The following TNS3 variants were observed in gnomAD, a reference collection of about 807,000 sequenced individuals.
TNS3 encodes the protein tensin 3.
A neutral mutation model predicts 140.9 loss-of-function variants in TNS3; 45 were observed. That is an observed-to-expected ratio of 0.32 (90% confidence interval 0.25 to 0.41). The LOEUF (loss-of-function observed/expected upper bound fraction) is 0.41, where lower values mean the gene tolerates loss of function less well. TNS3 is among the 10% of genes least tolerant of loss of function. The pLI, the probability that TNS3 is intolerant of heterozygous loss-of-function variation, is 1.00. For synonymous variants in TNS3, 815 were observed against 788.4 expected, an observed-to-expected ratio of 1.03 and a Z score of -0.56; for missense variants, 1,716 against 1,906.7, an observed-to-expected ratio of 0.90 and a Z score of 1.86.
intron 15 of TNS3, among the ~76,000 whole-genome samples, chr7:47,400,126 C>T (rs772744750): frequency 3.9e-5 from 6 of 152,156 alleles, no homozygotes; most frequent in Non-Finnish European, 7.3e-5. Context: ...CAATGCAATA[C>T]CACCTTACTC....
intron 1 of TNS3, among the ~76,000 whole-genome samples, chr7:47,571,582 G>A (rs1280737554): frequency 6.6e-6 from 1 of 152,264 alleles, no homozygotes; most frequent in African/African-American, 2.4e-5. Context: ...AGTACCTCCA[G>A]AGGGTCAAGG....
intron 28 of TNS3, 23 bp downstream of exon 28, chr7:47,283,674 C>T (rs766099122): frequency 2.8e-5 from 42 of 1,522,220 alleles, no homozygotes; most frequent in Non-Finnish European, 3.7e-5. Flanking sequence ...CTGGACGGCT[C>T]CTGCCTCCCT....
At chr7:47,378,278 A>C (rs1162871735) in intron 16 of TNS3, among the ~76,000 whole-genome samples, 1 of 152,216 alleles carries the variant, frequency 6.6e-6, no homozygotes, top group Admixed American at 6.5e-5. Flanking sequence ...GGAGTGCTCC[A>C]TGAACATCTA....
At chr7:47,396,944 C>T (rs760937178) in intron 15 of TNS3, 40 bp from the exon 16 acceptor site, 5 of 1,479,070 alleles carry the variant, frequency 3.4e-6, no homozygotes, top group South Asian at 2.3e-5. Context: ...CCCAGTGAAA[C>T]CCATCACCTC....
In TNS3 at chr7:47,275,995, CTT is replaced by C. The variant is rs1373647300; in HGVS notation, c.*2079_*2080del. The C allele has an allele frequency of 3.9e-5, 15 of 386,734 alleles. No homozygotes were observed. The highest frequency in any genetic ancestry group is 2.7e-4 in the African/African-American group (13 of 47,746). 24.0% of individuals were successfully genotyped at this position (386,734 alleles called of 1,614,324 possible). On this transcript the variant is annotated 3_prime_UTR_variant, in exon 31 of 31. Transcript: ENST00000311160. ...AAGGATAAGGAACCTGGCCTGCACT[CTT>C]TGGGTTAAACATGGGTAGAGACCGT... is the stretch of plus-strand genomic sequence containing the variant.
chr7:47,537,016 C>T (rs1259208827), intron 1 of TNS3, among the ~76,000 whole-genome samples: 1 of 151,690 alleles, frequency 6.6e-6, no homozygotes, highest in Non-Finnish European at 1.5e-5. Context: ...ACACCAGCTC[C>T]GGGCCGCACT....
intron 1 of TNS3, among the ~76,000 whole-genome samples, chr7:47,573,276 A>G (rs1800599751): frequency 6.6e-6 from 1 of 152,184 alleles, no homozygotes; most frequent in Admixed American, 6.5e-5. Context: ...CTCACGAGCA[A>G]GCCTATTCTT....
chr7:47,279,330 A>G (rs1230664919), intron 30 of TNS3: 5 of 152,276 alleles, frequency 3.3e-5, no homozygotes, highest in African/African-American at 9.7e-5. Flanking sequence ...TGGCCCTGAC[A>G]GGAACACTGG....
Position 47,400,437 on chromosome 7 carries a change from C to T in TNS3, c.875G>A (p.Gly292Glu). The stretch of plus-strand genomic sequence containing the variant: ...GGCAGAGAAGACTAATTCAACCTTC[C>T]CATAGTCAGGAAAACGGTCATCTGA... ...ASKDDRFPDY[G>E]KVELVFSATP... Residue 292 changes from glycine to glutamate, a missense_variant, in exon 15 of 31, where the codon GGG (glycine) becomes GAG (glutamate). Around this residue, in one of 3 missense-constraint regions of TNS3, gnomAD observed 337 missense variants for 428.9 expected, o/e 0.79. Transcript: ENST00000311160. 6.2e-7 allele frequency: 1 copy of T among 1,614,104 alleles called. No individual in the cohort carries two copies. Among genetic ancestry groups the T allele is most frequent in the Non-Finnish European group, 8.5e-7 (1 of 1,180,018 alleles).
intron 4 of TNS3, among the ~76,000 whole-genome samples, chr7:47,468,691 T>C (rs943040163): frequency 7.2e-5 from 11 of 152,164 alleles, no homozygotes; most frequent in Non-Finnish European, 1.2e-4. Flanking sequence ...TCAATGCTAT[T>C]CCTATCAAAC....
rs759878991 is a variant in TNS3, at chr7:47,280,333, G to A, written c.4119C>T (p.Tyr1373=). 1.9e-6 allele frequency: 3 copies of A among 1,614,172 alleles called. No individual in the cohort carries two copies. The highest frequency in any genetic ancestry group is 2.7e-5 in the African/African-American group (2 of 75,046). Residue 1373 remains tyrosine, a synonymous_variant, in exon 29 of 31, where the codon TAC becomes TAT. Transcript: ENST00000311160. ...CACAGAAAATCACACTGTTCACGGGGTAATGCCTCCGGAAGAAGAGCCTGT... is the reference window on the plus strand; with the variant it reads ...CACAGAAAATCACACTGTTCACGGGATAATGCCTCCGGAAGAAGAGCCTGT... ...NQRKLFFRRH[Y]PVNSVIFCAL... is the part of the protein sequence containing the mutation.
chr7:47,405,571 G>A (rs369904347), intron 13 of TNS3: 13 of 702,894 alleles, frequency 1.8e-5, no homozygotes, highest in East Asian at 1.1e-4. Context: ...TAAAGCAATT[G>A]AAAGGTGGGT....
Position 47,350,246 on chromosome 7 carries a change from G to C in TNS3, c.2282-3890C>G, listed in dbSNP as rs571062046. ...ACAAGATGGCTACCCTCATCCTGCT[G>C]AGGAAGGGGCACTCTTCCTCCCGGA... On this transcript the variant is annotated intron_variant, in intron 17 of 30. Transcript: ENST00000311160. Among the ~76,000 whole-genome samples, 6 of 152,328 alleles carry C rather than the reference G, an allele frequency of 3.9e-5. No homozygotes were observed. The South Asian group carries it at 8.3e-4, about 21-fold the overall frequency.
At chr7:47,441,458 G>T (rs953619233) in intron 5 of TNS3, among the ~76,000 whole-genome samples, 1 of 152,322 alleles carries the variant, frequency 6.6e-6, no homozygotes, top group Non-Finnish European at 1.5e-5. Context: ...TTACAAGTGT[G>T]AGCCACTGTG....
chr7:47,495,353 G>A (rs1186054928), intron 3 of TNS3, among the ~76,000 whole-genome samples: 2 of 152,222 alleles, frequency 1.3e-5, no homozygotes, highest in South Asian at 2.1e-4. Context: ...TGTGGTCTAG[G>A]GGGCTGAGAC....
At chr7:47,367,417 G>A (rs192845346) in intron 17 of TNS3, among the ~76,000 whole-genome samples, 1 of 152,294 alleles carries the variant, frequency 6.6e-6, no homozygotes, top group Admixed American at 6.5e-5. Flanking sequence ...CATGCAACTT[G>A]CCCCATTACA....
At position 47,567,941 on chromosome 7, in the gene TNS3, C is replaced by T. The variant is rs370074601; in HGVS notation, c.-265+14110G>A. On this transcript the variant is annotated intron_variant, in intron 1 of 30. Coordinates refer to ENST00000311160, the MANE Select transcript of TNS3 (RefSeq NM_022748.12). ...GCCTAACATGACTTATTCTGCCAGT[C>T]GCCCCCTAAAACAAGAGGCTCGGGC... Among the ~76,000 whole-genome samples, 39 of 152,218 alleles carry T rather than the reference C, an allele frequency of 2.6e-4. No homozygotes were observed. In the South Asian group the frequency reaches 6.0e-3, roughly 24 times the overall value.
intron 15 of TNS3, among the ~76,000 whole-genome samples, chr7:47,399,525 TACAACTGATTGATCTTC>T (rs1489820556): frequency 1.3e-5 from 2 of 152,184 alleles, no homozygotes; most frequent in Non-Finnish European, 2.9e-5. Context: ...TACAACTGAC[TACAACTGATTGATCTTC>T]AACAAAGCAT....
intron 3 of TNS3, among the ~76,000 whole-genome samples, chr7:47,499,348 G>A (rs2151855865): frequency 6.6e-6 from 1 of 152,278 alleles, no homozygotes; most frequent in Admixed American, 6.5e-5. Flanking sequence ...ACCAGAAAAG[G>A]GATCTTACAG....
Sources: gnomAD v4.1 joint callset for allele counts (sites outside exome capture counted in the v4.1 genomes callset) on GRCh38, gnomAD v4.1.1 for gene constraint, gnomAD v4.1.1 regional missense constraint, MANE v1.5 for transcripts, NCBI Gene and HGNC (gene_info 2026-07-23, HGNC 2026-07-21) for gene names.